The following WHRN variants were observed in gnomAD, a reference collection of about 807,000 sequenced individuals.
The protein encoded by WHRN is whirlin, also known as CASK-interacting protein CIP98.
In WHRN, 41 loss-of-function variants were observed where a neutral mutation model predicts 68.3. The observed-to-expected ratio is 0.60, with a 90% CI of 0.47 to 0.78. The LOEUF (loss-of-function observed/expected upper bound fraction) is 0.78. Among genes scored for constraint, WHRN ranks in the 30% least tolerant of loss-of-function variants. WHRN has a pLI of 0.00. For synonymous variants in WHRN, 560 were observed against 561.3 expected (o/e 1.00, Z 0.03); for missense variants, 1,243 against 1,244.7 (o/e 1.00, Z 0.02).
intron 2 of WHRN, 147 bp downstream of exon 2, chr9:114,478,406 A>C (rs748261662): frequency 1.0e-5 from 9 of 869,664 alleles, no homozygotes; most frequent in South Asian, 8.4e-5. Flanking sequence ...CAAAGAAAAA[A>C]CACCACCCTT....
In WHRN at chr9:114,504,944, G is replaced by C. The variant is rs549901134; in HGVS notation, c.-143C>G. The C allele has an allele frequency of 3.3e-6, 4 of 1,217,274 alleles. No individual in the cohort carries two copies. The East Asian group carries it at 9.7e-5, about 30-fold the overall frequency. 75.4% of individuals were successfully genotyped at this position (1,217,274 alleles called of 1,614,324 possible). A position where few individuals can be genotyped will look rare whatever the true frequency, so the allele number is the denominator to read the frequency against. On this transcript the variant is annotated 5_prime_UTR_variant, in exon 1 of 12. Transcript: ENST00000362057. ...TGGGTTTGGGGAGCACGGGTACAGT[G>C]GCTGGATCCTAGGGGGTCGCGGAGA... is the stretch of plus-strand genomic sequence containing the variant.
intron 3 of WHRN, among the ~76,000 whole-genome samples, chr9:114,445,036 T>A (rs1589150161): frequency 6.6e-6 from 1 of 151,876 alleles, no homozygotes; most frequent in South Asian, 2.1e-4. Context: ...GGTTTTTTAA[T>A]GTTATTATTA....
At chr9:114,480,904 C>T (rs1842047636) in intron 1 of WHRN, among the ~76,000 whole-genome samples, 1 of 152,100 alleles carries the variant, frequency 6.6e-6, no homozygotes, top group African/African-American at 2.4e-5. Flanking sequence ...TGCCAAGATG[C>T]TAGCAGTGCT....
At chr9:114,478,004 C>A (rs1841791047) in intron 2 of WHRN, among the ~76,000 whole-genome samples, 1 of 152,080 alleles carries the variant, frequency 6.6e-6, no homozygotes. Flanking sequence ...AGGGGCAAGA[C>A]CCTGGGGGAT....
intron 1 of WHRN, among the ~76,000 whole-genome samples, chr9:114,495,458 G>A (rs1843374713): frequency 6.6e-6 from 1 of 152,150 alleles, no homozygotes; most frequent in Non-Finnish European, 1.5e-5. Context: ...CCCTGGGGCT[G>A]GTGCAATACT....
chr9:114,491,873 G>A (rs1843000475), intron 1 of WHRN: 2 of 263,972 alleles, frequency 7.6e-6, no homozygotes, highest in South Asian at 3.0e-4. Context: ...TGAGTCTGCA[G>A]CGGGTCCCTT....
rs78571200 is a variant in WHRN, at chr9:114,490,519, A to C, written c.619-11748T>G. Among the ~76,000 whole-genome samples, 14 of 151,436 alleles carry C rather than the reference A, an allele frequency of 9.2e-5. No individual in the cohort carries two copies. In the East Asian group the frequency reaches 2.7e-3, roughly 30 times the overall value. On this transcript the variant is annotated intron_variant, in intron 1 of 11. Transcript: ENST00000362057. ...AGGAAAGAAGAACATTTAAAGAAAA[A>C]GTTTTTTTTAAAAAAGATATAAAAA...
rs768510651 is a variant in WHRN, at chr9:114,402,904, G to A, written c.2574C>T (p.Leu858=). 3 of 1,613,368 alleles carry A rather than the reference G, an allele frequency of 1.9e-6. No homozygotes were observed. In the African/African-American group the frequency reaches 4.0e-5, roughly 22 times the overall value. ...RGGSAHNCGQ[L]KVGHVILEVN... ...CTTCCAGAATCACGTGGCCCACCTT[G>A]AGCTGCCCACAGTTGTGAGCTGAGC... The change falls in exon 12 of 12, where the codon CTC becomes CTT. Residue 858 remains leucine (L), a synonymous_variant. Transcript: ENST00000362057.
intron 1 of WHRN, among the ~76,000 whole-genome samples, chr9:114,495,162 G>A (rs1843343792): frequency 6.6e-6 from 1 of 152,256 alleles, no homozygotes; most frequent in South Asian, 2.1e-4. Context: ...CAGAGCATGG[G>A]CAGCCCAAAC....
chr9:114,486,645 G>C (rs992239764), intron 1 of WHRN, among the ~76,000 whole-genome samples: 4 of 151,952 alleles, frequency 2.6e-5, no homozygotes, highest in Non-Finnish European at 4.4e-5. Context: ...ACTTTAATGT[G>C]AGCATAGACA....
intron 1 of WHRN, among the ~76,000 whole-genome samples, chr9:114,498,563 A>T (rs1456289256): frequency 1.3e-5 from 2 of 152,186 alleles, no homozygotes; most frequent in Admixed American, 1.3e-4. Flanking sequence ...TCGACGATGG[A>T]ACAGGCTGAA....
intron 3 of WHRN, among the ~76,000 whole-genome samples, chr9:114,441,342 G>C (rs1838356217): frequency 1.3e-5 from 2 of 152,162 alleles, no homozygotes; most frequent in South Asian, 4.1e-4. Context: ...TTGTTTAAGG[G>C]GTGACTGTAT....
At chr9:114,488,953 T>G (rs1187638165) in intron 1 of WHRN, among the ~76,000 whole-genome samples, 1 of 152,138 alleles carries the variant, frequency 6.6e-6, no homozygotes, top group Admixed American at 6.5e-5. Context: ...CCATTGCTTC[T>G]GCTATAAAAC....
At chr9:114,409,780 A>T (rs1835297936) in intron 7 of WHRN, among the ~76,000 whole-genome samples, 1 of 151,850 alleles carries the variant, frequency 6.6e-6, no homozygotes, top group Admixed American at 6.6e-5. Flanking sequence ...CTGCTCGACA[A>T]GGTGTACCCT....
intron 1 of WHRN, among the ~76,000 whole-genome samples, chr9:114,495,911 C>T (rs995417283): frequency 1.3e-5 from 2 of 152,192 alleles, no homozygotes; most frequent in African/African-American, 4.8e-5. Context: ...AAAATCCCTC[C>T]CCTGACTTTC....
intron 7 of WHRN, among the ~76,000 whole-genome samples, chr9:114,413,550 A>C (rs2132263960): frequency 6.6e-6 from 1 of 152,254 alleles, no homozygotes; most frequent in East Asian, 1.9e-4. Context: ...GGCGACGGGG[A>C]ATCATTGGAC....
At chr9:114,486,363 T>C (rs953105864) in intron 1 of WHRN, among the ~76,000 whole-genome samples, 6 of 152,194 alleles carry the variant, frequency 3.9e-5, no homozygotes, top group African/African-American at 1.4e-4. Context: ...CTTCTGTGAT[T>C]GTGCTGCCGT....
intron 1 of WHRN, among the ~76,000 whole-genome samples, chr9:114,502,617 A>G (rs1040728197): frequency 5.9e-5 from 9 of 152,148 alleles, no homozygotes; most frequent in African/African-American, 1.7e-4. Context: ...GGCACAGCTG[A>G]GTCTGGGGTG....
intron 3 of WHRN, among the ~76,000 whole-genome samples, chr9:114,438,499 C>G (rs1017958599): frequency 2.7e-5 from 4 of 146,008 alleles, no homozygotes; most frequent in Non-Finnish European, 4.5e-5. Context: ...GTCACCCAGG[C>G]TGGAGTGCAG....
Sources: allele counts gnomAD v4.1 joint callset (sites outside exome capture counted in the v4.1 genomes callset), GRCh38; gene constraint gnomAD v4.1.1; transcripts MANE v1.5; gene names NCBI Gene and HGNC (gene_info 2026-07-23, HGNC 2026-07-21).